CSNK1G1: variants seen among roughly 807,000 people sequenced by gnomAD.
The protein encoded by CSNK1G1 is casein kinase 1 gamma 1, also known as casein kinase I isoform gamma-1.
Under a neutral mutation model 59.6 loss-of-function variants are expected in CSNK1G1, and 22 were observed. The ratio of observed to expected loss-of-function variants is 0.37; its 90% confidence interval spans 0.26 to 0.53. The LOEUF (loss-of-function observed/expected upper bound fraction) is 0.53, where lower values mean the gene tolerates loss of function less well. Among genes scored for constraint, CSNK1G1 ranks in the 20% least tolerant of loss-of-function variants. CSNK1G1 has a pLI of 0.89. For missense variants in CSNK1G1, 384 were observed against 519.5 expected (o/e 0.74, Z 2.54); for synonymous variants, 179 against 177.1 (o/e 1.01, Z -0.08).
At chr15:64,243,344 A>G (rs563329885) in intron 4 of CSNK1G1, among the ~76,000 whole-genome samples, 4 of 152,042 alleles carry the variant, frequency 2.6e-5, no homozygotes, top group African/African-American at 9.7e-5. Context: ...TCAAAGAAAA[A>G]CAAAACAAAA....
At chr15:64,248,342 T>C (rs1891869676) in intron 4 of CSNK1G1, among the ~76,000 whole-genome samples, 1 of 152,194 alleles carries the variant, frequency 6.6e-6, no homozygotes, top group South Asian at 2.1e-4. Flanking sequence ...TAAATTTCCT[T>C]TTTTTAACCA....
intron 2 of CSNK1G1, among the ~76,000 whole-genome samples, chr15:64,294,234 G>A (rs116876257): frequency 0.048 from 7,242 of 151,964 alleles, 183 homozygotes; most frequent in South Asian, 0.08. Flanking sequence ...CACCAAGCCC[G>A]GCTAATTCTT....
chr15:64,288,646 A>G (rs1363696728), intron 2 of CSNK1G1, among the ~76,000 whole-genome samples: 1 of 151,998 alleles, frequency 6.6e-6, no homozygotes. Context: ...TAGAAAAAAA[A>G]AATTGAATCA....
chr15:64,292,703 T>A (rs1250733474), intron 2 of CSNK1G1, among the ~76,000 whole-genome samples: 1 of 152,028 alleles, frequency 6.6e-6, no homozygotes, highest in Admixed American at 6.6e-5. Context: ...GGTGGCTGGA[T>A]CACTAGCTTA....
intron 4 of CSNK1G1, among the ~76,000 whole-genome samples, chr15:64,245,879 C>T (rs370269594): frequency 3.3e-5 from 5 of 152,110 alleles, no homozygotes; most frequent in African/African-American, 4.8e-5. Context: ...CACATGTTCT[C>T]GCTCATGTGA....
intron 2 of CSNK1G1, among the ~76,000 whole-genome samples, chr15:64,269,492 ATTTT>A (rs36065606): frequency 1.7e-5 from 2 of 117,234 alleles, no homozygotes; most frequent in African/African-American, 3.2e-5. Flanking sequence ...TCTGATGGCT[ATTTT>A]TTTTTTTTTT....
rs564799228 is a variant in CSNK1G1, at chr15:64,203,901, C to T, written c.999+540G>A. On this transcript the variant is annotated intron_variant, in intron 9 of 11. Transcript: ENST00000303052. ...CTCACGCCTGTAATCCCAGCACTTTCGGAGGCCAAGGAGGGCAGATCACCT... is the reference window on the plus strand; with the variant it reads ...CTCACGCCTGTAATCCCAGCACTTTTGGAGGCCAAGGAGGGCAGATCACCT... Among the ~76,000 whole-genome samples the T allele has an allele frequency of 9.9e-5, 15 of 151,730 alleles. No homozygotes were observed. The South Asian group carries it at 2.9e-3, about 30-fold the overall frequency.
chr15:64,222,321 G>A (rs2082398422), intron 4 of CSNK1G1, among the ~76,000 whole-genome samples: 1 of 151,240 alleles, frequency 6.6e-6, no homozygotes, highest in East Asian at 1.9e-4. Flanking sequence ...GGGTCAATAG[G>A]TGTAGCACAC....
chr15:64,334,329 A>T (rs189084354), intron 1 of CSNK1G1, among the ~76,000 whole-genome samples: 2 of 152,164 alleles, frequency 1.3e-5, no homozygotes, highest in South Asian at 2.1e-4. Context: ...AAAATCTTTT[A>T]TCTCAGCAGT....
At position 64,225,234 on chromosome 15, in the gene CSNK1G1, C is replaced by T. The variant is rs2082443478; in HGVS notation, c.293-8521G>A. 2.0e-5 allele frequency among the ~76,000 whole-genome samples: 3 copies of T among 151,998 alleles called. No individual in the cohort carries two copies. The South Asian group carries it at 6.2e-4, about 32-fold the overall frequency. On this transcript the variant is annotated intron_variant, in intron 4 of 11. Transcript: ENST00000303052. ...ATGTTAGCCAGGCTGGTCTCAAACT[C>T]CTGGCCTCAAGTGGTCCACCTGCCT...
rs1230695411 is a variant in CSNK1G1, at chr15:64,176,045, C to CAGCG, written c.1215-4064_1215-4061dup. ...GGGATACTGTTATGGCAGGAGGAGA[C>CAGCG]AGCGATAAGATGGGTTTGAAAGAAG... On this transcript the variant is annotated intron_variant, in intron 11 of 11. Coordinates refer to ENST00000303052, the MANE Select transcript of CSNK1G1 (RefSeq NM_022048.5). This position sits in a 1 kb window ranked among gnomAD's most constrained non-coding sequence, Gnocchi z 5.2. 6.6e-5 allele frequency among the ~76,000 whole-genome samples: 10 copies of CAGCG among 152,282 alleles called. No homozygotes were observed. Among genetic ancestry groups the CAGCG allele is most frequent in the African/African-American group, 2.4e-4 (10 of 41,552 alleles).
intron 10 of CSNK1G1, among the ~76,000 whole-genome samples, chr15:64,192,786 T>C (rs1191113846): frequency 7.9e-6 from 1 of 126,810 alleles, no homozygotes; most frequent in African/African-American, 3.1e-5. Context: ...GAGGTTGCAG[T>C]GAGCTGAGAT....
At chr15:64,254,312 G>A (rs879914620) in intron 3 of CSNK1G1, among the ~76,000 whole-genome samples, 1 of 151,624 alleles carries the variant, frequency 6.6e-6, no homozygotes, top group Non-Finnish European at 1.5e-5. Context: ...GGATGGTGGT[G>A]ATGGTTGTAC....
intron 6 of CSNK1G1, among the ~76,000 whole-genome samples, chr15:64,212,183 A>T (rs1476562453): frequency 2.0e-5 from 3 of 152,246 alleles, no homozygotes; most frequent in African/African-American, 7.2e-5. Context: ...TAACGCTGAT[A>T]GTAAGTACCA....
At chr15:64,315,106 A>G (rs533998647) in intron 1 of CSNK1G1, among the ~76,000 whole-genome samples, 2 of 152,186 alleles carry the variant, frequency 1.3e-5, no homozygotes, top group Non-Finnish European at 2.9e-5. Context: ...TCAGATGGCA[A>G]TTACAAAAAA....
intron 10 of CSNK1G1, chr15:64,195,057 G>A (rs149560411): frequency 3.7e-4 from 57 of 152,276 alleles, no homozygotes; most frequent in African/African-American, 1.4e-3. Flanking sequence ...TCAAATTGGA[G>A]AATTTGCAAG....
chr15:64,230,611 G>C (rs1596130268), intron 4 of CSNK1G1, among the ~76,000 whole-genome samples: 1 of 152,164 alleles, frequency 6.6e-6, no homozygotes, highest in Admixed American at 6.5e-5. Context: ...TCTAGGCTTG[G>C]GCCTATTTTC....
At chr15:64,350,395 G>A (rs544504296) in intron 1 of CSNK1G1, among the ~76,000 whole-genome samples, 2 of 152,150 alleles carry the variant, frequency 1.3e-5, no homozygotes, top group South Asian at 4.2e-4. Flanking sequence ...CAGCTACTCC[G>A]GAGGCTGAGG....
At chr15:64,223,208 G>A (rs923021860) in intron 4 of CSNK1G1, among the ~76,000 whole-genome samples, 2 of 151,910 alleles carry the variant, frequency 1.3e-5, no homozygotes, top group Non-Finnish European at 2.9e-5. Flanking sequence ...ACACAGTAAC[G>A]GCTTATCAGC....
Sources: gnomAD v4.1 joint callset for allele counts (sites outside exome capture counted in the v4.1 genomes callset) on GRCh38, gnomAD v4.1.1 for gene constraint, Gnocchi (gnomAD v3.1) non-coding constraint, MANE v1.5 for transcripts, NCBI Gene and HGNC (gene_info 2026-07-23, HGNC 2026-07-21) for gene names.